KIF16B: variants seen among roughly 807,000 people sequenced by gnomAD.
KIF16B encodes kinesin-like protein KIF16B.
A neutral mutation model predicts 156.3 loss-of-function variants in KIF16B; 98 were observed. That is an observed-to-expected ratio of 0.63 (90% CI 0.53 to 0.74). The LOEUF (loss-of-function observed/expected upper bound fraction) is 0.74. Among genes scored for constraint, KIF16B ranks in the 30% least tolerant of loss-of-function variants. KIF16B has a pLI of 0.00. For missense variants in KIF16B, 1,421 were observed against 1,606.5 expected (o/e 0.88, Z 1.97); for synonymous variants, 564 against 583.7 (o/e 0.97, Z 0.49).
intron 12 of KIF16B, among the ~76,000 whole-genome samples, chr20:16,460,968 A>G (rs1160867358): frequency 2.0e-5 from 3 of 152,150 alleles, no homozygotes; most frequent in Non-Finnish European, 2.9e-5. Context: ...TAGAGAATCT[A>G]AATAGAAATA....
chr20:16,366,891 A>C, intron 22 of KIF16B: 4 of 1,196,390 alleles, frequency 3.3e-6, no homozygotes, highest in Non-Finnish European at 4.1e-6. Flanking sequence ...AGCAGGCACA[A>C]ATTTACAAGC....
At chr20:16,553,694 T>C (rs987199586) in intron 1 of KIF16B, among the ~76,000 whole-genome samples, 3 of 152,248 alleles carry the variant, frequency 2.0e-5, no homozygotes, top group African/African-American at 7.2e-5. Context: ...TGTCTATTCA[T>C]TATTTAGTTA....
chr20:16,501,858 A>T (rs1347382063), intron 10 of KIF16B, among the ~76,000 whole-genome samples: 2 of 152,182 alleles, frequency 1.3e-5, no homozygotes, highest in African/African-American at 2.4e-5. Context: ...GAGAAAGGGG[A>T]GTAGTTCCTG....
chr20:16,383,145 T>C (rs1402745019), intron 17 of KIF16B, among the ~76,000 whole-genome samples: 1 of 152,124 alleles, frequency 6.6e-6, no homozygotes, highest in Non-Finnish European at 1.5e-5. Context: ...TATGGTGGCT[T>C]TTTTAGGCAG....
intron 19 of KIF16B, among the ~76,000 whole-genome samples, chr20:16,377,575 C>T (rs1470525237): frequency 2.6e-5 from 4 of 151,866 alleles, no homozygotes; most frequent in Non-Finnish European, 5.9e-5. Context: ...AGAGCAAGAC[C>T]CTGTGATCTC....
chr20:16,349,467 C>T (rs2064294130), intron 23 of KIF16B, among the ~76,000 whole-genome samples: 2 of 152,230 alleles, frequency 1.3e-5, no homozygotes, highest in South Asian at 4.1e-4. Flanking sequence ...AGAGGAGCTG[C>T]TGTTTTGCCC....
intron 12 of KIF16B, among the ~76,000 whole-genome samples, chr20:16,439,610 G>C (rs778446277): frequency 6.6e-6 from 1 of 152,134 alleles, no homozygotes; most frequent in Non-Finnish European, 1.5e-5. Context: ...ACACCAATGA[G>C]TGAGATTGTA....
At chr20:16,429,774 A>T (rs2066450099) in intron 13 of KIF16B, 89 bp downstream of exon 13, 2 of 1,134,786 alleles carry the variant, frequency 1.8e-6, no homozygotes, top group Admixed American at 5.1e-5. Context: ...AGTTGTGTTC[A>T]TGACCATAGA....
chr20:16,362,579 A>G (rs1329142911), intron 22 of KIF16B, among the ~76,000 whole-genome samples: 1 of 152,220 alleles, frequency 6.6e-6, no homozygotes, highest in Non-Finnish European at 1.5e-5. Context: ...AATCAATAAA[A>G]AATTTTACCA....
intron 12 of KIF16B, among the ~76,000 whole-genome samples, chr20:16,486,167 T>A (rs1360167936): frequency 6.6e-6 from 1 of 152,144 alleles, no homozygotes; most frequent in African/African-American, 2.4e-5. Flanking sequence ...CTAGCACTTC[T>A]AGAATGTAAT....
At chr20:16,279,301 A>G (rs2063110891) in intron 25 of KIF16B, among the ~76,000 whole-genome samples, 1 of 152,200 alleles carries the variant, frequency 6.6e-6, no homozygotes, top group South Asian at 2.1e-4. Flanking sequence ...CCTGGAACCA[A>G]GGGTCCTTTG....
chr20:16,438,352 G>A (rs1010295334), intron 12 of KIF16B, among the ~76,000 whole-genome samples: 7 of 152,108 alleles, frequency 4.6e-5, no homozygotes, highest in Admixed American at 3.9e-4. Context: ...GCTATTTTGA[G>A]AGAGACTATT....
chr20:16,273,165 C>G lies in KIF16B; in HGVS notation c.*88G>C. On this transcript the variant is annotated 3_prime_UTR_variant, in exon 26 of 26. Coordinates refer to ENST00000354981, the MANE Select transcript of KIF16B (RefSeq NM_024704.5). ...TGTCTTCAGCAGGAGGAGGCAGACC[C>G]GGATCCTCGCATGGGGGAGCTGCCC... is the stretch of plus-strand genomic sequence containing the variant. 1 of 1,169,882 alleles carries G rather than the reference C, an allele frequency of 8.5e-7. No homozygotes were observed. The highest frequency in any genetic ancestry group is 1.8e-5 in the Admixed American group (1 of 56,328). The allele number at this position is 1,169,882 out of a possible 1,614,324, so 72.5% of individuals were successfully genotyped here.
intron 24 of KIF16B, among the ~76,000 whole-genome samples, chr20:16,319,959 C>A (rs1175804944): frequency 6.6e-6 from 1 of 152,154 alleles, no homozygotes; most frequent in Non-Finnish European, 1.5e-5. Context: ...CCGACCAGGG[C>A]TAAATGAAAC....
chr20:16,438,803 G>A (rs529035699), intron 12 of KIF16B, among the ~76,000 whole-genome samples: 2 of 152,204 alleles, frequency 1.3e-5, no homozygotes, highest in Non-Finnish European at 2.9e-5. Flanking sequence ...AGAGAGTGAC[G>A]ACGTGAATAA....
At chr20:16,561,618 A>T (rs1031763536) in intron 1 of KIF16B, among the ~76,000 whole-genome samples, 6 of 152,222 alleles carry the variant, frequency 3.9e-5, no homozygotes, top group Non-Finnish European at 5.9e-5. Context: ...CAGGAAAAAA[A>T]AAATAAAACA....
At chr20:16,331,695 T>C (rs2063951101) in intron 24 of KIF16B, among the ~76,000 whole-genome samples, 1 of 152,204 alleles carries the variant, frequency 6.6e-6, no homozygotes, top group African/African-American at 2.4e-5. Context: ...TGTTCCCACT[T>C]GGCTATAAAA....
At chr20:16,344,658 C>T (rs917142410) in intron 23 of KIF16B, among the ~76,000 whole-genome samples, 9 of 152,170 alleles carry the variant, frequency 5.9e-5, no homozygotes, top group East Asian at 1.9e-4. Flanking sequence ...CTGTCCTGCA[C>T]GCTGAAGACA....
chr20:16,340,496 C>T (rs1356092598), intron 23 of KIF16B, among the ~76,000 whole-genome samples: 4 of 152,208 alleles, frequency 2.6e-5, no homozygotes, highest in Non-Finnish European at 4.4e-5. Flanking sequence ...CAGAACTTGA[C>T]ACATCACAGG....
Sources: allele counts gnomAD v4.1 joint callset (sites outside exome capture counted in the v4.1 genomes callset), GRCh38; gene constraint gnomAD v4.1.1; transcripts MANE v1.5; gene names NCBI Gene and HGNC (gene_info 2026-07-23, HGNC 2026-07-21).